The following ATP10B variants were observed in gnomAD, a reference collection of about 807,000 sequenced individuals.
ATP10B encodes phospholipid-transporting ATPase VB.
ATP10B carries 122 observed loss-of-function variants against 141.2 expected under a neutral mutation model. The ratio of observed to expected loss-of-function variants is 0.86; its 90% CI spans 0.75 to 1.00. The LOEUF (loss-of-function observed/expected upper bound fraction) is 1.00. Ranked by LOEUF, ATP10B falls within the 50% of genes least tolerant of loss-of-function variation. The probability of loss-of-function intolerance (pLI) is 0.00; values close to 1 mark genes in which losing one functional copy is unlikely to be tolerated. For missense variants in ATP10B, 1,876 were observed against 1,825.3 expected (o/e 1.03, Z -0.51); for synonymous variants, 685 against 692.0 (o/e 0.99, Z 0.16).
At chr5:160,637,596 T>C (rs938564046) in intron 10 of ATP10B, among the ~76,000 whole-genome samples, 2 of 152,230 alleles carry the variant, frequency 1.3e-5, no homozygotes, top group African/African-American at 4.8e-5. Context: ...CAACACGCAT[T>C]ATCTGAGGAT....
At chr5:160,678,488 G>A (rs141960007) in intron 6 of ATP10B, among the ~76,000 whole-genome samples, 2,158 of 152,092 alleles carry the variant, frequency 0.014, 46 homozygotes, top group African/African-American at 0.048. Flanking sequence ...GTGAAACCCC[G>A]TCTCTACTAA....
chr5:160,778,783 C>T (rs1011762684), intron 2 of ATP10B, among the ~76,000 whole-genome samples: 1 of 152,132 alleles, frequency 6.6e-6, no homozygotes, highest in Admixed American at 6.6e-5. Flanking sequence ...TAGGAGACCA[C>T]TTTATCGACT....
chr5:160,718,548 TCTG>T (rs1158390884), intron 2 of ATP10B, among the ~76,000 whole-genome samples: 1 of 152,192 alleles, frequency 6.6e-6, no homozygotes, highest in Non-Finnish European at 1.5e-5. Flanking sequence ...AGGGCATAGC[TCTG>T]CTTTTTGGTG....
the ATP10B span, among the ~76,000 whole-genome samples, chr5:160,914,365 G>T: frequency 1.3e-5 from 2 of 152,138 alleles, no homozygotes; most frequent in East Asian, 3.9e-4. Flanking sequence ...ATCCATGTGA[G>T]ATTAGTTCTA....
intron 1 of ATP10B, among the ~76,000 whole-genome samples, chr5:160,805,648 T>C (rs1311808489): frequency 6.6e-6 from 1 of 151,630 alleles, no homozygotes; most frequent in East Asian, 1.9e-4. Flanking sequence ...CCAGGTACAG[T>C]GAAATGTGAG....
At chr5:160,573,263 CA>C (rs1754990733) in intron 24 of ATP10B, among the ~76,000 whole-genome samples, 1 of 152,158 alleles carries the variant, frequency 6.6e-6, no homozygotes, top group Non-Finnish European at 1.5e-5. Context: ...GGCAGCTGTC[CA>C]GGAAGGAAGA....
intron 6 of ATP10B, 139 bp from the exon 7 acceptor site, chr5:160,670,806 C>G (rs551249021): frequency 1.4e-6 from 1 of 693,284 alleles, no homozygotes; most frequent in Admixed American, 2.6e-5. Flanking sequence ...TTCTACCTTA[C>G]CCCTGAATGA....
intron 13 of ATP10B, among the ~76,000 whole-genome samples, chr5:160,625,489 C>T (rs1037034634): frequency 6.6e-6 from 1 of 152,194 alleles, no homozygotes; most frequent in Non-Finnish European, 1.5e-5. Context: ...AGTTGAGGAA[C>T]AAACTTGGAG....
intron 3 of ATP10B, among the ~76,000 whole-genome samples, chr5:160,714,590 C>A (rs1251298200): frequency 3.9e-5 from 5 of 129,268 alleles, no homozygotes; most frequent in Admixed American, 7.8e-5. Context: ...GTAATTTGAT[C>A]GTCTGAAGCT....
intron 3 of ATP10B, among the ~76,000 whole-genome samples, chr5:160,708,199 GT>G (rs1177075679): frequency 6.6e-6 from 1 of 152,094 alleles, no homozygotes; most frequent in African/African-American, 2.4e-5. Context: ...TTGAGGTTTT[GT>G]TGTCTGATTT....
At chr5:160,780,430 A>C (rs1343973491) in intron 2 of ATP10B, among the ~76,000 whole-genome samples, 1 of 152,212 alleles carries the variant, frequency 6.6e-6, no homozygotes, top group Non-Finnish European at 1.5e-5. Flanking sequence ...AAATGCAGGC[A>C]GTTGAGATTA....
At chr5:160,784,723 C>T (rs1290627671) in intron 2 of ATP10B, among the ~76,000 whole-genome samples, 1 of 152,090 alleles carries the variant, frequency 6.6e-6, no homozygotes, top group African/African-American at 2.4e-5. Context: ...CTTGTGCCTG[C>T]TTTCTCTGCC....
At chr5:160,688,142 T>C in intron 4 of ATP10B, 48 bp from the exon 5 acceptor site, 1 of 1,545,094 alleles carries the variant, frequency 6.5e-7, no homozygotes, top group African/African-American at 1.4e-5. Context: ...ACGTGCAGCA[T>C]GTTGGCCTGT....
intron 18 of ATP10B, among the ~76,000 whole-genome samples, chr5:160,610,745 A>G (rs1219858061): frequency 6.6e-6 from 1 of 152,228 alleles, no homozygotes; most frequent in Admixed American, 6.5e-5. Context: ...TTAATTATTA[A>G]CAATATTGCA....
At chr5:160,725,621 A>AT in intron 2 of ATP10B, among the ~76,000 whole-genome samples, 1 of 152,082 alleles carries the variant, frequency 6.6e-6, no homozygotes, top group Non-Finnish European at 1.5e-5. Flanking sequence ...GATTTTTTGT[A>AT]TTTTTAGTAG....
intron 2 of ATP10B, among the ~76,000 whole-genome samples, chr5:160,755,854 T>A (rs867336567): frequency 1.1e-4 from 11 of 103,626 alleles, no homozygotes; most frequent in African/African-American, 3.2e-4. Context: ...TATATATATA[T>A]ATATATATAT....
At chr5:160,609,514 G>T (rs182748781) in intron 18 of ATP10B, among the ~76,000 whole-genome samples, 29 of 152,124 alleles carry the variant, frequency 1.9e-4, no homozygotes, top group Non-Finnish European at 3.1e-4. Flanking sequence ...AAGTAACTGG[G>T]ATTACCAGCA....
At chr5:160,874,011 T>C in the ATP10B span, among the ~76,000 whole-genome samples, 5 of 152,072 alleles carry the variant, frequency 3.3e-5, no homozygotes, top group African/African-American at 1.2e-4. Flanking sequence ...AGCCCAGAAG[T>C]TCGAACTGGG....
intron 15 of ATP10B, 114 bp downstream of exon 15, chr5:160,620,233 T>G: frequency 3.7e-6 from 5 of 1,357,820 alleles, no homozygotes; most frequent in Non-Finnish European, 5.0e-6. Flanking sequence ...TGTATTCCAG[T>G]TGGGACCTGC....
Sources: gnomAD v4.1 joint callset for allele counts (sites outside exome capture counted in the v4.1 genomes callset) on GRCh38, gnomAD v4.1.1 for gene constraint, MANE v1.5 for transcripts, NCBI Gene and HGNC (gene_info 2026-07-23, HGNC 2026-07-21) for gene names.